Variants in AKT3 observed in about 807,000 individuals in gnomAD.
The protein encoded by AKT3 is AKT serine/threonine kinase 3, also known as RAC-gamma serine/threonine-protein kinase.
AKT3 carries 15 observed loss-of-function variants against 65.3 expected under a neutral mutation model. The ratio of observed to expected loss-of-function variants is 0.23; its 90% CI spans 0.15 to 0.35. The LOEUF is 0.35. AKT3 is among the 10% of genes least tolerant of loss of function. The pLI, the probability that AKT3 is intolerant of heterozygous loss-of-function variation, is 1.00. For synonymous variants in AKT3, 206 were observed against 183.8 expected, an observed-to-expected ratio of 1.12 and a Z score of -0.98; for missense variants, 243 against 576.5, an observed-to-expected ratio of 0.42 and a Z score of 5.92.
At chr1:243,577,372 C>G (rs970044526) in intron 8 of AKT3, among the ~76,000 whole-genome samples, 1 of 152,144 alleles carries the variant, frequency 6.6e-6, no homozygotes, top group African/African-American at 2.4e-5. Flanking sequence ...GTCTCAAACT[C>G]CTGACCTCAA....
chr1:243,507,446 C>T (rs1669742121), intron 13 of AKT3, among the ~76,000 whole-genome samples: 1 of 152,164 alleles, frequency 6.6e-6, no homozygotes, highest in Non-Finnish European at 1.5e-5. Flanking sequence ...TCATTCCTGC[C>T]CCTTTCTGTT....
intron 9 of AKT3, among the ~76,000 whole-genome samples, chr1:243,569,687 A>T (rs1455765408): frequency 6.6e-6 from 1 of 152,226 alleles, no homozygotes; most frequent in Admixed American, 6.5e-5. Flanking sequence ...TAGGTGGAAA[A>T]CAAGATTAGG....
chr1:243,666,304 C>A (rs552537756), intron 3 of AKT3, among the ~76,000 whole-genome samples: 2 of 152,048 alleles, frequency 1.3e-5, no homozygotes, highest in South Asian at 2.1e-4. Flanking sequence ...GTATCCAGCC[C>A]CAGATTAGCT....
chr1:243,810,392 A>G (rs949173564), intron 2 of AKT3, among the ~76,000 whole-genome samples: 1 of 152,218 alleles, frequency 6.6e-6, no homozygotes, highest in Non-Finnish European at 1.5e-5. Flanking sequence ...AGAATACTAT[A>G]AACACCTCTA....
At chr1:243,690,247 G>A (rs1684600337) in intron 3 of AKT3, among the ~76,000 whole-genome samples, 1 of 151,984 alleles carries the variant, frequency 6.6e-6, no homozygotes, top group African/African-American at 2.4e-5. Flanking sequence ...CCTCCATGTG[G>A]GAACTACTCC....
At chr1:243,832,804 T>C (rs1022014808) in intron 2 of AKT3, among the ~76,000 whole-genome samples, 4 of 152,150 alleles carry the variant, frequency 2.6e-5, no homozygotes, top group Admixed American at 6.5e-5. Context: ...CTGTAGGCAA[T>C]TGAAACATGT....
chr1:243,627,221 T>C (rs538770579), intron 6 of AKT3, among the ~76,000 whole-genome samples: 9 of 152,090 alleles, frequency 5.9e-5, no homozygotes, highest in African/African-American at 1.9e-4. Context: ...CAGCCAGACA[T>C]AGTGGCTCAC....
Position 243,646,041 on chromosome 1 carries a change from T to C in AKT3, c.285-4A>G. ...GATAGCTTCTGTCCATTCTTCCCTATAAAAATGAGTAAAATTTCCCATTAA... is the reference window on the plus strand; with the variant it reads ...GATAGCTTCTGTCCATTCTTCCCTACAAAAATGAGTAAAATTTCCCATTAA... On this transcript the variant is annotated splice_polypyrimidine_tract_variant and splice_region_variant and intron_variant, in intron 4 of 13. Coordinates refer to ENST00000673466, the MANE Select transcript of AKT3 (RefSeq NM_005465.7). 1.9e-6 allele frequency: 3 copies of C among 1,581,014 alleles called. No homozygotes were observed. The highest frequency in any genetic ancestry group is 2.6e-6 in the Non-Finnish European group (3 of 1,169,350).
chr1:243,573,959 G>C (rs1224874564), intron 8 of AKT3, among the ~76,000 whole-genome samples: 3 of 152,140 alleles, frequency 2.0e-5, no homozygotes, highest in African/African-American at 7.2e-5. Context: ...ATTAATCTTT[G>C]TTGTTGAAAC....
rs570787415 is a variant in AKT3 at position 243,661,108 on chromosome 1, A to G, written c.284+3664T>C. 8.9e-3 allele frequency among the ~76,000 whole-genome samples: 1,362 copies of G among 152,328 alleles called. 15 individuals are homozygous for G. Among genetic ancestry groups the G allele is most frequent in the African/African-American group, 0.031 (1,290 of 41,570 alleles). On this transcript the variant is annotated intron_variant, in intron 4 of 13. Coordinates refer to ENST00000673466, the MANE Select transcript of AKT3 (RefSeq NM_005465.7). ...CCATGCTCATGGGTAGGAAGAATCA[A>G]TATCGTGAAAACGGCCATACTGCCC...
At chr1:243,841,578 C>A (rs1695243829) in intron 2 of AKT3, among the ~76,000 whole-genome samples, 1 of 152,138 alleles carries the variant, frequency 6.6e-6, no homozygotes, top group Non-Finnish European at 1.5e-5. Flanking sequence ...TACAAATGGT[C>A]AGGCACATCG....
At chr1:243,766,644 C>T (rs745824831) in intron 2 of AKT3, among the ~76,000 whole-genome samples, 7 of 152,092 alleles carry the variant, frequency 4.6e-5, no homozygotes, top group Non-Finnish European at 8.8e-5. Flanking sequence ...GGAAAAGACA[C>T]ATAAAATATT....
intron 3 of AKT3, among the ~76,000 whole-genome samples, chr1:243,667,816 C>T (rs760492233): frequency 6.6e-6 from 1 of 152,144 alleles, no homozygotes; most frequent in Non-Finnish European, 1.5e-5. Flanking sequence ...TTCCTTAGTA[C>T]TCTCTTTCAG....
At chr1:243,769,129 T>C (rs529183311) in intron 2 of AKT3, among the ~76,000 whole-genome samples, 19 of 152,190 alleles carry the variant, frequency 1.2e-4, no homozygotes, top group Non-Finnish European at 2.4e-4. Context: ...TTTTTTCACT[T>C]AGCCGAGCTT....
chr1:243,817,644 G>C (rs1054304169), intron 2 of AKT3, among the ~76,000 whole-genome samples: 2 of 152,232 alleles, frequency 1.3e-5, no homozygotes, highest in Non-Finnish European at 2.9e-5. Flanking sequence ...AGGAGGCTGA[G>C]ACAGGAGAAT....
intron 2 of AKT3, among the ~76,000 whole-genome samples, chr1:243,744,010 A>G (rs1688324298): frequency 6.6e-6 from 1 of 152,246 alleles, no homozygotes; most frequent in Non-Finnish European, 1.5e-5. Context: ...CTAGGTACAT[A>G]GCCAACAGAA....
At chr1:243,733,407 T>A (rs1395744595) in intron 2 of AKT3, among the ~76,000 whole-genome samples, 1 of 152,158 alleles carries the variant, frequency 6.6e-6, no homozygotes, top group Non-Finnish European at 1.5e-5. Flanking sequence ...TAAAAAGTAG[T>A]GCTACATATT....
At chr1:243,574,112 C>T (rs1574634116) in intron 8 of AKT3, among the ~76,000 whole-genome samples, 1 of 152,100 alleles carries the variant, frequency 6.6e-6, no homozygotes, top group East Asian at 1.9e-4. Context: ...GAAATTTTTC[C>T]CTTACATGGA....
upstream of AKT3, among the ~76,000 whole-genome samples, chr1:243,850,390 T>C (rs1365169552): frequency 6.6e-6 from 1 of 150,450 alleles, no homozygotes; most frequent in South Asian, 2.1e-4. Flanking sequence ...GGGAATCGGA[T>C]ATCGGCTACA....
Sources: allele counts gnomAD v4.1 joint callset (sites outside exome capture counted in the v4.1 genomes callset), GRCh38; gene constraint gnomAD v4.1.1; transcripts MANE v1.5; gene names NCBI Gene and HGNC (gene_info 2026-07-23, HGNC 2026-07-21).